Variants in HSD11B1 observed in about 807,000 individuals in gnomAD.
HSD11B1 encodes the protein 11-beta-hydroxysteroid dehydrogenase 1.
HSD11B1 carries 15 observed loss-of-function variants against 22.1 expected under a neutral mutation model. That is an observed-to-expected ratio of 0.68 (90% CI 0.45 to 1.04). The LOEUF (loss-of-function observed/expected upper bound fraction) is 1.04. Ranked by LOEUF, HSD11B1 falls within the 50% of genes least tolerant of loss-of-function variation. The pLI, the probability that HSD11B1 is intolerant of heterozygous loss-of-function variation, is 0.00. For missense variants in HSD11B1, 281 were observed against 357.6 expected, an observed-to-expected ratio of 0.79 and a Z score of 1.73; for synonymous variants, 122 against 125.2, an observed-to-expected ratio of 0.97 and a Z score of 0.17.
intron 4 of HSD11B1, among the ~76,000 whole-genome samples, chr1:209,721,003 CACAG>C (rs1297131343): frequency 2.6e-5 from 4 of 151,998 alleles, no homozygotes; most frequent in Admixed American, 1.3e-4. Context: ...GAAGAGAAGA[CACAG>C]ACAGAGAGAA....
intron 4 of HSD11B1, among the ~76,000 whole-genome samples, chr1:209,721,511 C>G (rs955738813): frequency 6.7e-6 from 1 of 148,800 alleles, no homozygotes; most frequent in Non-Finnish European, 1.5e-5. Context: ...AGTCTAGTGA[C>G]TTGGAGGACA....
intron 4 of HSD11B1, among the ~76,000 whole-genome samples, chr1:209,727,506 C>T (rs539642792): frequency 3.3e-5 from 5 of 152,204 alleles, no homozygotes; most frequent in Admixed American, 1.3e-4. Flanking sequence ...ATTTTGGACT[C>T]GACTATCAAA....
chr1:209,734,612 G>A lies in HSD11B1; in HGVS notation c.*91G>A, dbSNP rs964017965. The A allele has an allele frequency of 3.0e-6, 3 of 990,982 alleles. No individual in the cohort carries two copies. In the South Asian group the frequency reaches 3.9e-5, roughly 13 times the overall value. The allele number at this position is 990,982 out of a possible 1,614,324, so 61.4% of individuals were successfully genotyped here. ...TCTTATCTATGAAGACATCTTCCCAGAGTGTCCCCAGAGACATGCAAGTCA... is the reference window on the plus strand; with the variant it reads ...TCTTATCTATGAAGACATCTTCCCAAAGTGTCCCCAGAGACATGCAAGTCA... On this transcript the variant is annotated 3_prime_UTR_variant, in exon 6 of 6. Transcript: ENST00000367027.
upstream of HSD11B1, among the ~76,000 whole-genome samples, chr1:209,703,493 G>A (rs1023203741): frequency 1.3e-5 from 2 of 151,798 alleles, no homozygotes; most frequent in Non-Finnish European, 2.9e-5. Context: ...CATAGACCTC[G>A]AGCTCTGTCT....
upstream of HSD11B1, among the ~76,000 whole-genome samples, chr1:209,701,820 G>A (rs2076828489): frequency 6.6e-6 from 1 of 152,104 alleles, no homozygotes; most frequent in African/African-American, 2.4e-5. Context: ...CCCCAGATCT[G>A]GCCCATCCTT....
In HSD11B1 at chr1:209,706,903, T is replaced by C; in HGVS notation, c.332-40T>C. On this transcript the variant is annotated intron_variant, in intron 3 of 5. Transcript: ENST00000367027. This position sits in a 1 kb window ranked among gnomAD's most constrained non-coding sequence, Gnocchi z 4.0. ...TTTTGGGAGGAGAATGGGAAAGGTA[T>C]CAACCCCAGATGATTTCTTAATATA... 6.2e-7 allele frequency: 1 copy of C among 1,611,010 alleles called. No homozygotes were observed. Among genetic ancestry groups the C allele is most frequent in the Non-Finnish European group, 8.5e-7 (1 of 1,177,108 alleles).
intron 4 of HSD11B1, among the ~76,000 whole-genome samples, chr1:209,728,535 T>G (rs1170154409): frequency 1.3e-5 from 2 of 152,208 alleles, no homozygotes. Context: ...TTAATTATTA[T>G]GCTATTCTGA....
chr1:209,696,886 C>T (rs1246372295), intron 1 of HSD11B1, among the ~76,000 whole-genome samples: 3 of 152,254 alleles, frequency 2.0e-5, no homozygotes, highest in African/African-American at 4.8e-5. Flanking sequence ...CCATACCCAG[C>T]ACAGCCTGGC....
At chr1:209,696,935 T>C (rs2076794625) in intron 1 of HSD11B1, among the ~76,000 whole-genome samples, 8 of 152,218 alleles carry the variant, frequency 5.3e-5, no homozygotes, top group Admixed American at 4.6e-4. Flanking sequence ...TGAAGCTGGA[T>C]TGAAGAGCTG....
chr1:209,706,645 T>C lies in HSD11B1; in HGVS notation c.220-64T>C. 9.1e-7 allele frequency: 1 copy of C among 1,098,204 alleles called. No individual in the cohort carries two copies. 68.0% of individuals were successfully genotyped at this position (1,098,204 alleles called of 1,614,324 possible). ...ATCTCTCATTTAAGCCCCCCGTTAC[T>C]TCAGAGACTACCCCCCAAAAATCTG... On this transcript the variant is annotated intron_variant, in intron 2 of 5. Coordinates refer to ENST00000367027, the MANE Select transcript of HSD11B1 (RefSeq NM_005525.4). The surrounding 1 kb of genome is among the most constrained non-coding windows in gnomAD (Gnocchi z 4.0).
intron 1 of HSD11B1, among the ~76,000 whole-genome samples, chr1:209,694,531 G>C (rs2076779534): frequency 6.6e-6 from 1 of 152,230 alleles, no homozygotes; most frequent in Non-Finnish European, 1.5e-5. Context: ...GCAAGGGGAG[G>C]TTCCTGGGGA....
At chr1:209,721,996 C>T (rs370802831) in intron 4 of HSD11B1, among the ~76,000 whole-genome samples, 2 of 152,150 alleles carry the variant, frequency 1.3e-5, no homozygotes, top group African/African-American at 2.4e-5. Context: ...CCCTGAGCGT[C>T]GGTGGATATA....
chr1:209,698,954 C>G (rs2076809790), intron 1 of HSD11B1, among the ~76,000 whole-genome samples: 1 of 152,110 alleles, frequency 6.6e-6, no homozygotes, highest in African/African-American at 2.4e-5. Context: ...GGAAAGCACA[C>G]AGAGGGCAAT....
chr1:209,709,935 G>A (rs968836414), intron 4 of HSD11B1, among the ~76,000 whole-genome samples: 5 of 121,060 alleles, frequency 4.1e-5, no homozygotes, highest in African/African-American at 2.1e-4. Flanking sequence ...TCCCACATGT[G>A]AAACACACAC....
chr1:209,694,671 T>C (rs1245778718), intron 1 of HSD11B1, among the ~76,000 whole-genome samples: 1 of 152,238 alleles, frequency 6.6e-6, no homozygotes, highest in East Asian at 1.9e-4. Flanking sequence ...TGTGAAGAAC[T>C]GGATGGATTA....
At chr1:209,731,432 C>T (rs892442172) in intron 4 of HSD11B1, among the ~76,000 whole-genome samples, 3 of 152,140 alleles carry the variant, frequency 2.0e-5, no homozygotes, top group South Asian at 2.1e-4. Flanking sequence ...TAAATATGAC[C>T]CATACTTAGG....
chr1:209,730,960 T>G (rs976617602), intron 4 of HSD11B1, among the ~76,000 whole-genome samples: 3 of 152,130 alleles, frequency 2.0e-5, no homozygotes, highest in Non-Finnish European at 2.9e-5. Flanking sequence ...AAGAAGGAAA[T>G]GACAGTAGGC....
chr1:209,692,373 C>T (rs2076765051), intron 1 of HSD11B1, among the ~76,000 whole-genome samples: 1 of 152,004 alleles, frequency 6.6e-6, no homozygotes, highest in Admixed American at 6.6e-5. Flanking sequence ...AAGAACTGGA[C>T]TCAATTCCAA....
chr1:209,733,620 C>A (rs1350921049), intron 5 of HSD11B1, among the ~76,000 whole-genome samples: 4 of 152,016 alleles, frequency 2.6e-5, no homozygotes, highest in Non-Finnish European at 4.4e-5. Context: ...TAAGGGGGTA[C>A]GGCCTACAAT....
Sources: gnomAD v4.1 joint callset for allele counts (sites outside exome capture counted in the v4.1 genomes callset) on GRCh38, gnomAD v4.1.1 for gene constraint, Gnocchi (gnomAD v3.1) non-coding constraint, MANE v1.5 for transcripts, NCBI Gene and HGNC (gene_info 2026-07-23, HGNC 2026-07-21) for gene names.